VTI1A: variants seen among roughly 807,000 people sequenced by gnomAD.
The protein encoded by VTI1A is vesicle transport through interaction with t-SNAREs homolog 1A.
In VTI1A, 22 loss-of-function variants were observed where a neutral mutation model predicts 34.9. The observed-to-expected ratio is 0.63, with a 90% CI of 0.45 to 0.90. The LOEUF (loss-of-function observed/expected upper bound fraction) is 0.90, where lower values mean the gene tolerates loss of function less well. Among genes scored for constraint, VTI1A ranks in the 40% least tolerant of loss-of-function variants. The probability of loss-of-function intolerance (pLI) is 0.00; values close to 1 mark genes in which losing one functional copy is unlikely to be tolerated. For synonymous variants in VTI1A, 87 were observed against 97.3 expected (o/e 0.89, Z 0.62); for missense variants, 268 against 275.6 (o/e 0.97, Z 0.20).
intron 7 of VTI1A, among the ~76,000 whole-genome samples, chr10:112,802,661 G>A (rs1327792428): frequency 2.6e-5 from 4 of 152,214 alleles, no homozygotes; most frequent in African/African-American, 7.2e-5. Flanking sequence ...AAAGAGTAGA[G>A]CCGGGTTGGA....
At chr10:112,615,279 A>G (rs1287540387) in intron 5 of VTI1A, among the ~76,000 whole-genome samples, 1 of 152,242 alleles carries the variant, frequency 6.6e-6, no homozygotes, top group East Asian at 1.9e-4. Flanking sequence ...CTGAGATACT[A>G]TAGATGGAGA....
Position 112,595,719 on chromosome 10 carries a change from G to A in VTI1A, c.427+57389G>A, listed in dbSNP as rs1844606904. 5.3e-5 allele frequency among the ~76,000 whole-genome samples: 8 copies of A among 151,452 alleles called. No individual in the cohort carries two copies. The South Asian group carries it at 1.7e-3, about 32-fold the overall frequency. On this transcript the variant is annotated intron_variant, in intron 5 of 7. Transcript: ENST00000393077. Reference sequence around the variant, plus strand: ...ACACTTTTACACTGTTAGTAGGACTGTAAACTAGTTCAACCATTGTGGAAG... The same window carrying A: ...ACACTTTTACACTGTTAGTAGGACTATAAACTAGTTCAACCATTGTGGAAG...
At chr10:112,775,157 G>A (rs1385644741) in intron 7 of VTI1A, among the ~76,000 whole-genome samples, 1 of 152,166 alleles carries the variant, frequency 6.6e-6, no homozygotes, top group East Asian at 1.9e-4. Context: ...AAACGGCTTA[G>A]CATTTAGAAA....
chr10:112,610,786 G>T (rs1263635889), intron 5 of VTI1A, among the ~76,000 whole-genome samples: 1 of 152,216 alleles, frequency 6.6e-6, no homozygotes, highest in Non-Finnish European at 1.5e-5. Context: ...AGGCGCGGTG[G>T]CGGGCGCCTG....
chr10:112,578,554 G>C (rs934927954), intron 5 of VTI1A, among the ~76,000 whole-genome samples: 2 of 152,150 alleles, frequency 1.3e-5, no homozygotes, highest in African/African-American at 4.8e-5. Context: ...AGTTAGACAT[G>C]TAGACATAAA....
chr10:112,662,414 TTATTC>T (rs1847494651), intron 5 of VTI1A, among the ~76,000 whole-genome samples: 1 of 152,240 alleles, frequency 6.6e-6, no homozygotes, highest in Non-Finnish European at 1.5e-5. Flanking sequence ...CAGTGATCCT[TTATTC>T]TATAGCGAAG....
intron 5 of VTI1A, among the ~76,000 whole-genome samples, chr10:112,595,826 G>C (rs1844613235): frequency 6.6e-6 from 1 of 151,942 alleles, no homozygotes; most frequent in Non-Finnish European, 1.5e-5. Flanking sequence ...ATACCCAAAG[G>C]ACTATAAATC....
chr10:112,843,390 G>A, the VTI1A span, among the ~76,000 whole-genome samples: 1 of 152,206 alleles, frequency 6.6e-6, no homozygotes, highest in African/African-American at 2.4e-5. Flanking sequence ...GTACTGTGTG[G>A]AAAATAATTT....
At chr10:112,666,863 T>A (rs1564874419) in intron 5 of VTI1A, among the ~76,000 whole-genome samples, 1 of 152,188 alleles carries the variant, frequency 6.6e-6, no homozygotes, top group South Asian at 2.1e-4. Flanking sequence ...GTGCTAAATA[T>A]TGTAACTGAA....
intron 5 of VTI1A, among the ~76,000 whole-genome samples, chr10:112,551,259 A>AC (rs1564823665): frequency 6.6e-6 from 1 of 151,504 alleles, no homozygotes; most frequent in African/African-American, 2.4e-5. Flanking sequence ...AAAAAAAAAA[A>AC]AAAAAAAAAA....
At chr10:112,787,246 C>G (rs1564925341) in intron 7 of VTI1A, among the ~76,000 whole-genome samples, 1 of 152,034 alleles carries the variant, frequency 6.6e-6, no homozygotes, top group Non-Finnish European at 1.5e-5. Context: ...TAGTGATGTT[C>G]TTCTTTCATT....
At chr10:112,682,987 C>T (rs1848273590) in intron 7 of VTI1A, among the ~76,000 whole-genome samples, 1 of 152,214 alleles carries the variant, frequency 6.6e-6, no homozygotes, top group Non-Finnish European at 1.5e-5. Context: ...GAATTAACTA[C>T]AGCTTTTTCT....
chr10:112,706,401 G>A (rs545121129), intron 7 of VTI1A, among the ~76,000 whole-genome samples: 19 of 152,266 alleles, frequency 1.2e-4, no homozygotes, highest in African/African-American at 4.3e-4. Context: ...GTTACATGGG[G>A]TTAAGTTAAT....
Position 112,618,524 on chromosome 10 carries a change from T to TATAGAGAGAGAGAG in VTI1A, c.428-49693_428-49692insTAGAGAGAGAGAGA, listed in dbSNP as rs748276058. Among the ~76,000 whole-genome samples the TATAGAGAGAGAGAG allele has an allele frequency of 3.5e-3, 121 of 34,566 alleles. 3 individuals carry two copies. The highest frequency in any genetic ancestry group is 5.9e-3 in the African/African-American group (36 of 6,142). The allele number at this position is 34,566 out of a possible 152,430, so 22.7% of individuals were successfully genotyped here. ...ATATATATATATATATATATATATA[T>TATAGAGAGAGAGAG]AGAGAGAGAGAGAGAGAGAGAGAGT... On this transcript the variant is annotated intron_variant, in intron 5 of 7. Coordinates refer to ENST00000393077, the MANE Select transcript of VTI1A (RefSeq NM_145206.4).
chr10:112,567,086 G>T (rs1851930888), intron 5 of VTI1A, among the ~76,000 whole-genome samples: 1 of 152,046 alleles, frequency 6.6e-6, no homozygotes, highest in Non-Finnish European at 1.5e-5. Context: ...CTGGAATGCA[G>T]TGGTGTAATC....
intron 7 of VTI1A, among the ~76,000 whole-genome samples, chr10:112,783,915 CAAG>C (rs1047733872): frequency 2.6e-5 from 4 of 152,168 alleles, no homozygotes; most frequent in Non-Finnish European, 5.9e-5. Context: ...CTCCAACAAG[CAAG>C]AAGGACAGCC....
chr10:112,844,382 C>G, the VTI1A span, among the ~76,000 whole-genome samples: 14 of 152,238 alleles, frequency 9.2e-5, no homozygotes, highest in East Asian at 1.9e-4. Flanking sequence ...ATGAGAGGCT[C>G]TGAGGTCATG....
chr10:112,707,914 A>T (rs956668056), intron 7 of VTI1A, among the ~76,000 whole-genome samples: 1 of 152,204 alleles, frequency 6.6e-6, no homozygotes, highest in African/African-American at 2.4e-5. Flanking sequence ...TGCTACCCTC[A>T]GCTGTAAAAC....
chr10:112,617,886 G>A lies in VTI1A; in HGVS notation c.428-50332G>A, dbSNP rs371306956. 1.5e-4 allele frequency among the ~76,000 whole-genome samples: 23 copies of A among 152,232 alleles called. No individual in the cohort carries two copies. The East Asian group carries it at 2.3e-3, about 15-fold the overall frequency. Reference sequence around the variant, plus strand: ...GATATACAAAGTGGCCGGGCACAGCGGCTCACTCCTGTAATCCCAGCACTT... The same window carrying A: ...GATATACAAAGTGGCCGGGCACAGCAGCTCACTCCTGTAATCCCAGCACTT... On this transcript the variant is annotated intron_variant, in intron 5 of 7. Transcript: ENST00000393077.
Sources: gnomAD v4.1 joint callset for allele counts (sites outside exome capture counted in the v4.1 genomes callset) on GRCh38, gnomAD v4.1.1 for gene constraint, MANE v1.5 for transcripts, NCBI Gene and HGNC (gene_info 2026-07-23, HGNC 2026-07-21) for gene names.